The following PCCA variants were observed in gnomAD, a reference collection of about 807,000 sequenced individuals.
PCCA encodes the protein propionyl-CoA carboxylase alpha chain, mitochondrial.
PCCA carries 74 observed loss-of-function variants against 101.3 expected under a neutral mutation model. That is an observed-to-expected ratio of 0.73 (90% confidence interval 0.61 to 0.89). The LOEUF (loss-of-function observed/expected upper bound fraction) is 0.89. Ranked by LOEUF, PCCA falls within the 40% of genes least tolerant of loss-of-function variation. The probability of loss-of-function intolerance (pLI) is 0.00; values close to 1 mark genes in which losing one functional copy is unlikely to be tolerated. For synonymous variants in PCCA, 294 were observed against 313.6 expected, an observed-to-expected ratio of 0.94 and a Z score of 0.66; for missense variants, 891 against 907.0, an observed-to-expected ratio of 0.98 and a Z score of 0.23.
intron 7 of PCCA, among the ~76,000 whole-genome samples, chr13:100,221,862 C>T (rs770840826): frequency 2.9e-4 from 44 of 150,426 alleles, no homozygotes; most frequent in Admixed American, 4.0e-4. Flanking sequence ...CTCAGCCTCC[C>T]GAGTAATTGG....
At chr13:100,252,489 G>C (rs1229540857) in intron 8 of PCCA, among the ~76,000 whole-genome samples, 2 of 152,066 alleles carry the variant, frequency 1.3e-5, no homozygotes, top group Non-Finnish European at 2.9e-5. Flanking sequence ...AATTGTAGGT[G>C]AGAAAACCAC....
chr13:100,213,348 C>A (rs1324905766), intron 7 of PCCA, among the ~76,000 whole-genome samples: 1 of 152,086 alleles, frequency 6.6e-6, no homozygotes, highest in Non-Finnish European at 1.5e-5. Context: ...AATTTGCATT[C>A]CCCCCAACAC....
At chr13:100,487,778 G>T (rs1256812789) in intron 21 of PCCA, among the ~76,000 whole-genome samples, 1 of 152,048 alleles carries the variant, frequency 6.6e-6, no homozygotes, top group Non-Finnish European at 1.5e-5. Flanking sequence ...AGGCTGGAGT[G>T]CAGTGGCAGG....
chr13:100,117,533 A>G (rs1427084035), intron 4 of PCCA, among the ~76,000 whole-genome samples: 1 of 152,084 alleles, frequency 6.6e-6, no homozygotes, highest in African/African-American at 2.4e-5. Flanking sequence ...ACAGAAAACA[A>G]AACACTGCAC....
chr13:100,428,059 A>G (rs1334208969), intron 20 of PCCA, among the ~76,000 whole-genome samples: 1 of 151,984 alleles, frequency 6.6e-6, no homozygotes, highest in Non-Finnish European at 1.5e-5. Flanking sequence ...AGGTAAAGCC[A>G]TGATTTTTTT....
At chr13:100,149,067 T>G (rs2052956431) in intron 4 of PCCA, 2 of 152,064 alleles carry the variant, frequency 1.3e-5, no homozygotes, top group Admixed American at 1.3e-4. Context: ...TGTTAGTTTT[T>G]TAAAACTTAT....
intron 8 of PCCA, among the ~76,000 whole-genome samples, chr13:100,239,749 T>C (rs943734323): frequency 1.3e-5 from 2 of 152,320 alleles, no homozygotes; most frequent in Admixed American, 1.3e-4. Flanking sequence ...CTAAAACCTG[T>C]CCTTTAACAA....
chr13:100,191,177 G>A (rs1401526610), intron 6 of PCCA, among the ~76,000 whole-genome samples: 4 of 152,188 alleles, frequency 2.6e-5, no homozygotes, highest in African/African-American at 9.7e-5. Context: ...TGTTAGAAGT[G>A]TTTAAGGCAA....
At chr13:100,115,570 T>TA (rs1230597720) in intron 4 of PCCA, among the ~76,000 whole-genome samples, 15 of 151,866 alleles carry the variant, frequency 9.9e-5, no homozygotes, top group Non-Finnish European at 2.1e-4. Context: ...CCCACAAAAA[T>TA]AAAAAAAGAC....
chr13:100,181,805 G>A (rs1202385329), intron 6 of PCCA, among the ~76,000 whole-genome samples: 2 of 138,364 alleles, frequency 1.4e-5, no homozygotes, highest in African/African-American at 5.5e-5. Flanking sequence ...TCGCTCTGTC[G>A]CCCAGGCTGG....
chr13:100,268,119 A>T (rs990460466), intron 10 of PCCA, among the ~76,000 whole-genome samples: 3 of 152,036 alleles, frequency 2.0e-5, no homozygotes, highest in Non-Finnish European at 4.4e-5. Flanking sequence ...AGCATTTTGG[A>T]TTTCAGATTT....
intron 7 of PCCA, among the ~76,000 whole-genome samples, chr13:100,212,719 TACAA>T (rs1301637532): frequency 2.0e-5 from 3 of 152,178 alleles, no homozygotes; most frequent in African/African-American, 4.8e-5. Flanking sequence ...GTCTTTGTGT[TACAA>T]ACAGTCTAAT....
At chr13:100,333,279 G>C (rs1205130423) in intron 17 of PCCA, among the ~76,000 whole-genome samples, 5 of 152,184 alleles carry the variant, frequency 3.3e-5, no homozygotes, top group African/African-American at 1.2e-4. Context: ...GAAGGAAGTG[G>C]TAACTACAGT....
At chr13:100,381,763 T>C (rs1045877119) in intron 19 of PCCA, among the ~76,000 whole-genome samples, 2 of 152,206 alleles carry the variant, frequency 1.3e-5, no homozygotes, top group African/African-American at 4.8e-5. Flanking sequence ...GGAACTGTAG[T>C]GCAGGAGCAC....
intron 21 of PCCA, chr13:100,480,859 A>T (rs1346607798): frequency 6.6e-6 from 1 of 152,168 alleles, no homozygotes; most frequent in Admixed American, 6.5e-5. Context: ...GAACTTGAAT[A>T]TGCGGCTTGC....
intron 19 of PCCA, among the ~76,000 whole-genome samples, chr13:100,412,095 T>C (rs767233627): frequency 6.6e-6 from 1 of 152,226 alleles, no homozygotes; most frequent in Non-Finnish European, 1.5e-5. Context: ...GTGGATTAGT[T>C]GGTAATATTG....
At chr13:100,481,451 G>T (rs1021658917) in intron 21 of PCCA, among the ~76,000 whole-genome samples, 3 of 152,132 alleles carry the variant, frequency 2.0e-5, no homozygotes, top group Admixed American at 2.0e-4. Flanking sequence ...CCAGCTACTC[G>T]GCAGGCTGAG....
intron 16 of PCCA, among the ~76,000 whole-genome samples, chr13:100,322,751 T>G (rs771060333): frequency 3.3e-5 from 5 of 152,014 alleles, no homozygotes; most frequent in Non-Finnish European, 7.4e-5. Flanking sequence ...TCTGTTTTTA[T>G]TTTTTGTAGA....
intron 6 of PCCA, among the ~76,000 whole-genome samples, chr13:100,188,299 C>CAAAAA: frequency 8.5e-6 from 1 of 118,118 alleles, no homozygotes; most frequent in Admixed American, 8.1e-5. Flanking sequence ...CTCAAAAAAA[C>CAAAAA]AAAACAAAAC....
Sources: allele counts gnomAD v4.1 joint callset (sites outside exome capture counted in the v4.1 genomes callset), GRCh38; gene constraint gnomAD v4.1.1; transcripts MANE v1.5; gene names NCBI Gene and HGNC (gene_info 2026-07-23, HGNC 2026-07-21).